LRRC4C: variants seen among roughly 807,000 people sequenced by gnomAD.
The protein encoded by LRRC4C is leucine rich repeat containing 4C, also known as leucine-rich repeat-containing protein 4C.
LRRC4C carries 5 observed loss-of-function variants against 33.6 expected under a neutral mutation model. The ratio of observed to expected loss-of-function variants is 0.15; its 90% CI spans 0.08 to 0.31. LRRC4C has a LOEUF of 0.31. Ranked by LOEUF, LRRC4C falls within the 10% of genes least tolerant of loss-of-function variation. LRRC4C has a pLI of 1.00. For synonymous variants in LRRC4C, 329 were observed against 302.0 expected (o/e 1.09, Z -0.93); for missense variants, 560 against 796.7 (o/e 0.70, Z 3.58).
chr11:40,558,786 C>G (rs145983206), intron 3 of LRRC4C, among the ~76,000 whole-genome samples: 1 of 152,010 alleles, frequency 6.6e-6, no homozygotes, highest in Non-Finnish European at 1.5e-5. Context: ...GTTTGTTATA[C>G]AGATTATTTT....
chr11:40,434,120 T>G (rs1386385168), intron 3 of LRRC4C, among the ~76,000 whole-genome samples: 1 of 152,186 alleles, frequency 6.6e-6, no homozygotes, highest in Non-Finnish European at 1.5e-5. Context: ...TATTATTTGT[T>G]TGGGTTCTGT....
chr11:40,874,106 A>G (rs934567137), intron 2 of LRRC4C, among the ~76,000 whole-genome samples: 3 of 152,212 alleles, frequency 2.0e-5, no homozygotes, highest in Admixed American at 2.0e-4. Context: ...GAAAATGCAC[A>G]ATATTGGAAC....
intron 2 of LRRC4C, among the ~76,000 whole-genome samples, chr11:40,874,966 A>T (rs566320517): frequency 1.1e-4 from 16 of 152,214 alleles, no homozygotes; most frequent in Admixed American, 9.8e-4. Context: ...AACAATGAGA[A>T]GTCATTTGAG....
intron 1 of LRRC4C, among the ~76,000 whole-genome samples, chr11:41,363,893 G>A (rs1378403534): frequency 6.6e-6 from 1 of 152,092 alleles, no homozygotes; most frequent in African/African-American, 2.4e-5. Context: ...TTCAACATTA[G>A]TCTCAACATT....
chr11:41,097,288 G>A (rs570871958), intron 1 of LRRC4C, among the ~76,000 whole-genome samples: 2 of 152,162 alleles, frequency 1.3e-5, no homozygotes, highest in Non-Finnish European at 2.9e-5. Context: ...GGAGAATTTG[G>A]TTAGGGATTT....
At chr11:40,973,447 G>A (rs571046247) in intron 1 of LRRC4C, among the ~76,000 whole-genome samples, 7 of 152,222 alleles carry the variant, frequency 4.6e-5, no homozygotes, top group East Asian at 1.9e-4. Flanking sequence ...AGTTTTTCTC[G>A]AGGAATCCCA....
Position 41,096,159 on chromosome 11 carries a change from A to T in LRRC4C, c.-495-162436T>A, listed in dbSNP as rs142730137. Among the ~76,000 whole-genome samples the T allele has an allele frequency of 2.2e-3, 342 of 152,328 alleles. 3 individuals carry two copies. Among genetic ancestry groups the T allele is most frequent in the African/African-American group, 7.8e-3 (326 of 41,576 alleles). Reference sequence around the variant, plus strand: ...CTCTAATCGACATTATAATATATATAGGGGCACACTCATTTGAATATATTT... The same window carrying T: ...CTCTAATCGACATTATAATATATATTGGGGCACACTCATTTGAATATATTT... On this transcript the variant is annotated intron_variant, in intron 1 of 6. Transcript: ENST00000528697.
At chr11:41,377,866 C>T (rs1462692920) in intron 1 of LRRC4C, among the ~76,000 whole-genome samples, 5 of 152,136 alleles carry the variant, frequency 3.3e-5, no homozygotes, top group African/African-American at 9.7e-5. Flanking sequence ...AGCTTTTTCT[C>T]ATTGGAGAGC....
intron 2 of LRRC4C, among the ~76,000 whole-genome samples, chr11:40,785,151 T>C (rs974410168): frequency 6.6e-6 from 1 of 152,178 alleles, no homozygotes; most frequent in Non-Finnish European, 1.5e-5. Context: ...ATTAACACAT[T>C]TCTGTCTGGA....
At chr11:41,256,955 A>T (rs1948821306) in intron 1 of LRRC4C, among the ~76,000 whole-genome samples, 1 of 152,022 alleles carries the variant, frequency 6.6e-6, no homozygotes. Context: ...AGATGATCAT[A>T]GGTTATTGGC....
At chr11:40,904,310 C>A (rs1039629439) in intron 2 of LRRC4C, among the ~76,000 whole-genome samples, 1 of 144,388 alleles carries the variant, frequency 6.9e-6, no homozygotes, top group Non-Finnish European at 1.5e-5. Context: ...GCTCCCAAAC[C>A]AATTAATGAC....
intron 6 of LRRC4C, among the ~76,000 whole-genome samples, chr11:40,125,572 A>G (rs1456168885): frequency 6.6e-6 from 1 of 150,748 alleles, no homozygotes; most frequent in African/African-American, 2.4e-5. Context: ...CTCTCTCCTT[A>G]TTTCCTCAGC....
At chr11:40,964,853 C>T (rs1262793566) in intron 1 of LRRC4C, among the ~76,000 whole-genome samples, 1 of 151,790 alleles carries the variant, frequency 6.6e-6, no homozygotes, top group Non-Finnish European at 1.5e-5. Flanking sequence ...GTCTTTATAG[C>T]AGCATGATTT....
At chr11:41,162,903 G>A (rs546996260) in intron 1 of LRRC4C, among the ~76,000 whole-genome samples, 12 of 152,244 alleles carry the variant, frequency 7.9e-5, no homozygotes, top group Admixed American at 7.2e-4. Flanking sequence ...ATTAACCTTA[G>A]TGATATGGTT....
intron 1 of LRRC4C, among the ~76,000 whole-genome samples, chr11:41,029,482 T>C (rs1856583999): frequency 1.3e-5 from 2 of 151,812 alleles, no homozygotes; most frequent in South Asian, 4.1e-4. Context: ...GTTTTAACTT[T>C]CTGTGATGAC....
chr11:40,789,090 C>CG (rs928435496), intron 2 of LRRC4C, among the ~76,000 whole-genome samples: 6 of 77,312 alleles, frequency 7.8e-5, no homozygotes, highest in East Asian at 3.6e-4. Context: ...GACTCCGTCT[C>CG]GGGAAAAAAA....
chr11:40,768,789 C>G (rs565620973), intron 2 of LRRC4C, among the ~76,000 whole-genome samples: 14 of 152,018 alleles, frequency 9.2e-5, no homozygotes, highest in Admixed American at 5.9e-4. Flanking sequence ...ATTCAACATG[C>G]CTTCATGATA....
At chr11:40,475,663 G>A (rs1249966209) in intron 3 of LRRC4C, among the ~76,000 whole-genome samples, 2 of 152,056 alleles carry the variant, frequency 1.3e-5, no homozygotes, top group African/African-American at 4.8e-5. Context: ...GCTACTAATG[G>A]GGTGGGATTT....
chr11:40,293,313 TC>T (rs1359183645), intron 4 of LRRC4C: 1 of 148,524 alleles, frequency 6.7e-6, no homozygotes, highest in Non-Finnish European at 1.5e-5. Context: ...TTTTTAAGGC[TC>T]GGGGTGCCTT....
Sources: gnomAD v4.1 joint callset for allele counts (sites outside exome capture counted in the v4.1 genomes callset) on GRCh38, gnomAD v4.1.1 for gene constraint, MANE v1.5 for transcripts, NCBI Gene and HGNC (gene_info 2026-07-23, HGNC 2026-07-21) for gene names.